SSH1: variants seen among roughly 807,000 people sequenced by gnomAD.
SSH1 encodes slingshot protein phosphatase 1, also known as protein phosphatase Slingshot homolog 1.
In SSH1, 43 loss-of-function variants were observed where a neutral mutation model predicts 79.7. The ratio of observed to expected loss-of-function variants is 0.54; its 90% CI spans 0.42 to 0.70. The LOEUF is 0.70. SSH1 is among the 30% of genes least tolerant of loss of function. The pLI, the probability that SSH1 is intolerant of heterozygous loss-of-function variation, is 0.00. For missense variants in SSH1, 1,206 were observed against 1,358.8 expected (o/e 0.89, Z 1.77); for synonymous variants, 599 against 538.3 (o/e 1.11, Z -1.56).
rs777398574 is a variant in SSH1, at chr12:108,807,763, C to A, written c.601G>T (p.Gly201Cys). ...TAGGTAGCCCAGATGAGAGCTACAC[C>A]CCCGGGGAAGTAGTTGTGCCTCCGG... Reference protein sequence around the residue: ...VARRHNYFPGGVALIWATYYE... With the variant: ...VARRHNYFPGCVALIWATYYE... Residue 201 changes from glycine to cysteine, a missense_variant, in exon 8 of 15, where the codon GGT becomes TGT. Physicochemically the swap from Gly to Cys is radical, Grantham distance 159. This residue lies in a region of SSH1 where 116 missense variants were observed against 109.0 expected (regional missense o/e 1.06). Transcript: ENST00000326495. The surrounding 1 kb of genome is among the most constrained non-coding windows in gnomAD (Gnocchi z 5.2). 2.4e-5 allele frequency: 38 copies of A among 1,613,678 alleles called. No homozygotes were observed. The highest frequency in any genetic ancestry group is 3.1e-5 in the Non-Finnish European group (37 of 1,179,894).
At chr12:108,791,245 G>A (rs1463972186) in intron 14 of SSH1, among the ~76,000 whole-genome samples, 3 of 152,118 alleles carry the variant, frequency 2.0e-5, no homozygotes, top group African/African-American at 7.2e-5. Flanking sequence ...GAGTAGCTGG[G>A]ATTACAGGCA....
In SSH1 at chr12:108,784,558, C is replaced by T. The variant is rs2036217761; in HGVS notation, c.*3430G>A. 1 of 152,206 alleles carries T rather than the reference C, an allele frequency of 6.6e-6. No individual in the cohort carries two copies. The highest frequency in any genetic ancestry group is 1.5e-5 in the Non-Finnish European group (1 of 68,042). The allele number at this position is 152,206 out of a possible 1,614,324, so 9.4% of individuals were successfully genotyped here. ...AAATAAACTCTGCTCTTAGGAAATACATGCAACCAGGGACCTTGCTAGAAG... is the reference window on the plus strand; with the variant it reads ...AAATAAACTCTGCTCTTAGGAAATATATGCAACCAGGGACCTTGCTAGAAG... On this transcript the variant is annotated 3_prime_UTR_variant, in exon 15 of 15. Coordinates refer to ENST00000326495, the MANE Select transcript of SSH1 (RefSeq NM_018984.4).
At chr12:108,818,763 T>A (rs1232623746) in intron 3 of SSH1, among the ~76,000 whole-genome samples, 1 of 152,108 alleles carries the variant, frequency 6.6e-6, no homozygotes, top group Non-Finnish European at 1.5e-5. Flanking sequence ...TTCAAACAAC[T>A]TCTTCTTCTA....
At chr12:108,823,593 A>G (rs1022128304) in intron 2 of SSH1, among the ~76,000 whole-genome samples, 21 of 152,318 alleles carry the variant, frequency 1.4e-4, no homozygotes, top group African/African-American at 4.3e-4. Context: ...GACAACACCC[A>G]AAGTTCTACA....
chr12:108,805,035 T>G (rs1485241518), intron 10 of SSH1, 21 bp downstream of exon 10: 1 of 1,613,920 alleles, frequency 6.2e-7, no homozygotes, highest in Admixed American at 1.7e-5. Context: ...AACCAGATAC[T>G]GCCAGGGCCA....
chr12:108,825,643 T>A (rs1198577858), intron 2 of SSH1, among the ~76,000 whole-genome samples: 3 of 152,254 alleles, frequency 2.0e-5, no homozygotes, highest in Non-Finnish European at 4.4e-5. Flanking sequence ...TGTCCACTAC[T>A]GCAGATGCAC....
chr12:108,827,406 C>G (rs1437371961), intron 2 of SSH1: 1 of 1,478,480 alleles, frequency 6.8e-7, no homozygotes, highest in Non-Finnish European at 9.0e-7. Flanking sequence ...CTCTGGCCAT[C>G]TGCTCCCTAT....
At chr12:108,843,407 C>T (rs765203270) in intron 2 of SSH1, among the ~76,000 whole-genome samples, 4 of 152,150 alleles carry the variant, frequency 2.6e-5, no homozygotes, top group African/African-American at 4.8e-5. Context: ...GTCAGGCAGC[C>T]CTGTCCCTAG....
At chr12:108,793,141 A>G (rs1435895439) in intron 13 of SSH1, among the ~76,000 whole-genome samples, 3 of 152,204 alleles carry the variant, frequency 2.0e-5, no homozygotes, top group African/African-American at 7.2e-5. Context: ...GTGATGCCTC[A>G]TTGTCACGTC....
rs1044090602 is a variant in SSH1 at position 108,857,541 on chromosome 12, G to GCCGCCA, written c.-51_-46dup. On this transcript the variant is annotated 5_prime_UTR_variant, in exon 1 of 15. Transcript: ENST00000326495. The surrounding 1 kb of genome is among the most constrained non-coding windows in gnomAD (Gnocchi z 4.7). ...GGCGCCACAGACGTCTCGAGCTAGA[G>GCCGCCA]CCGCCACCGCCACCGCCGCCCGGGC... The GCCGCCA allele has an allele frequency of 8.3e-5, 85 of 1,027,482 alleles. No homozygotes were observed. Among genetic ancestry groups the GCCGCCA allele is most frequent in the African/African-American group, 7.1e-4 (41 of 57,436 alleles). The allele number at this position is 1,027,482 out of a possible 1,614,324, so 63.6% of individuals were successfully genotyped here.
chr12:108,818,332 A>C lies in SSH1; in HGVS notation c.215-19T>G. 6.2e-7 allele frequency: 1 copy of C among 1,611,528 alleles called. No individual in the cohort carries two copies. Among genetic ancestry groups the C allele is most frequent in the Non-Finnish European group, 8.5e-7 (1 of 1,177,916 alleles). ...AGATCACCTGTTGGACCAATAAAGA[A>C]AGCTTTAAAAGGTCTCTTACCTACT... is the stretch of plus-strand genomic sequence containing the variant. On this transcript the variant is annotated intron_variant, in intron 3 of 14. Coordinates refer to ENST00000326495, the MANE Select transcript of SSH1 (RefSeq NM_018984.4).
In SSH1 at chr12:108,811,502, T is replaced by C. The variant is rs939304464; in HGVS notation, c.402-174A>G. The stretch of plus-strand genomic sequence containing the variant: ...AGAAGACACAGGTCTGGGATGGCCC[T>C]GTGGACACAACTCCGTAAGTGCTCA... On this transcript the variant is annotated intron_variant, in intron 5 of 14. Transcript: ENST00000326495. 4.4e-6 allele frequency: 3 copies of C among 680,316 alleles called. No homozygotes were observed. The African/African-American group carries it at 5.3e-5, about 12-fold the overall frequency. 42.1% of individuals were successfully genotyped at this position (680,316 alleles called of 1,614,324 possible). A position where few individuals can be genotyped will look rare whatever the true frequency, so the allele number is the denominator to read the frequency against.
In SSH1 at chr12:108,799,050, G is replaced by T. The variant is rs372324796; in HGVS notation, c.1299C>A (p.Asn433Lys). The T allele has an allele frequency of 1.9e-6, 3 of 1,614,098 alleles. No homozygotes were observed. The Admixed American group carries it at 5.0e-5, about 27-fold the overall frequency. The change falls in exon 13 of 15, where the codon AAC (asparagine) becomes AAA (lysine). Residue 433 changes from asparagine (N) to lysine (K), a missense_variant. Asn to Lys is a moderately conservative substitution (Grantham distance 94, BLOSUM62 0). This residue lies in a region of SSH1 where 166 missense variants were observed against 262.9 expected (regional missense o/e 0.63). Coordinates refer to ENST00000326495, the MANE Select transcript of SSH1 (RefSeq NM_018984.4). ...VKQKRSITRP[N>K]AGFMRQLSEY... ...CAGACAGCTGCCTCATAAAGCCCGC[G>T]TTGGGGCGCGTGATGCTGCGCTTCT... is the stretch of plus-strand genomic sequence containing the variant.
At chr12:108,801,323 C>G (rs1426540411) in intron 11 of SSH1, among the ~76,000 whole-genome samples, 1 of 152,156 alleles carries the variant, frequency 6.6e-6, no homozygotes, top group Non-Finnish European at 1.5e-5. Context: ...CATCCATTAT[C>G]TATATCCTTG....
At chr12:108,853,563 A>C (rs2039086367) in intron 1 of SSH1, among the ~76,000 whole-genome samples, 1 of 152,144 alleles carries the variant, frequency 6.6e-6, no homozygotes, top group South Asian at 2.1e-4. Context: ...AAAAGGGTCC[A>C]GAGATAATGT....
chr12:108,797,837 C>G (rs138024121), intron 13 of SSH1, among the ~76,000 whole-genome samples: 476 of 152,328 alleles, frequency 3.1e-3, no homozygotes, highest in African/African-American at 0.011. Context: ...GAGCACCAGA[C>G]AAGAATTCAG....
intron 2 of SSH1, among the ~76,000 whole-genome samples, chr12:108,841,005 T>C (rs2038764365): frequency 6.6e-6 from 1 of 152,212 alleles, no homozygotes. Flanking sequence ...CAGCACAATA[T>C]AAACACAGAT....
chr12:108,802,723 C>T (rs1311228042), intron 10 of SSH1, among the ~76,000 whole-genome samples: 1 of 152,178 alleles, frequency 6.6e-6, no homozygotes, highest in African/African-American at 2.4e-5. Flanking sequence ...TGCGACCTCC[C>T]ACCCAGGGAA....
At chr12:108,812,888 A>T (rs1260670907) in intron 5 of SSH1, among the ~76,000 whole-genome samples, 1 of 146,610 alleles carries the variant, frequency 6.8e-6, no homozygotes, top group Non-Finnish European at 1.5e-5. Context: ...TTTGAGCCAG[A>T]GTCTTGCTCC....
Sources: gnomAD v4.1 joint callset for allele counts (sites outside exome capture counted in the v4.1 genomes callset) on GRCh38, gnomAD v4.1.1 for gene constraint, gnomAD v4.1.1 regional missense constraint, Gnocchi (gnomAD v3.1) non-coding constraint, MANE v1.5 for transcripts, NCBI Gene and HGNC (gene_info 2026-07-23, HGNC 2026-07-21) for gene names.